The following CTNNA1 variants were observed in gnomAD, a reference collection of about 807,000 sequenced individuals.
CTNNA1 encodes catenin alpha 1.
In CTNNA1, 37 loss-of-function variants were observed where a neutral mutation model predicts 98.4. The ratio of observed to expected loss-of-function variants is 0.38; its 90% confidence interval spans 0.29 to 0.49. The LOEUF is 0.49. Ranked by LOEUF, CTNNA1 falls within the 20% of genes least tolerant of loss-of-function variation. The pLI is 0.95. For synonymous variants in CTNNA1, 404 were observed against 413.2 expected (o/e 0.98, Z 0.27); for missense variants, 761 against 1,147.2 (o/e 0.66, Z 4.86).
At chr5:138,809,801 T>C (rs1335731421) in intron 3 of CTNNA1, among the ~76,000 whole-genome samples, 3 of 152,298 alleles carry the variant, frequency 2.0e-5, no homozygotes, top group South Asian at 2.1e-4. Context: ...CCTCTTGATA[T>C]ATAGTGCCAA....
chr5:138,849,442 AAAAC>A (rs1452709807), intron 7 of CTNNA1, among the ~76,000 whole-genome samples: 3 of 152,216 alleles, frequency 2.0e-5, no homozygotes, highest in East Asian at 1.9e-4. Flanking sequence ...AACAAAAACA[AAAAC>A]AAAGACGGTA....
intron 7 of CTNNA1, among the ~76,000 whole-genome samples, chr5:138,851,946 T>G (rs1159606035): frequency 6.6e-6 from 1 of 151,674 alleles, no homozygotes; most frequent in African/African-American, 2.4e-5. Flanking sequence ...GGCGCGTGCC[T>G]GTAATCCCAG....
rs1300715497 is a variant in CTNNA1 at position 138,874,842 on chromosome 5, C to T, written c.1063-11370C>T. On this transcript the variant is annotated intron_variant, in intron 7 of 17. Coordinates refer to ENST00000302763, the MANE Select transcript of CTNNA1 (RefSeq NM_001903.5). This position sits in a 1 kb window ranked among gnomAD's most constrained non-coding sequence, Gnocchi z 4.1. Reference sequence around the variant, plus strand: ...TGATTTCCCTCATAAAATGTGAATTCGGTAGCTTATTTTAAAAGCGTGATT... The same window carrying T: ...TGATTTCCCTCATAAAATGTGAATTTGGTAGCTTATTTTAAAAGCGTGATT... 6.3e-5 allele frequency: 92 copies of T among 1,458,598 alleles called. No individual in the cohort carries two copies. The highest frequency in any genetic ancestry group is 1.1e-4 in the East Asian group (5 of 44,014). The allele number at this position is 1,458,598 out of a possible 1,614,324, so 90.4% of individuals were successfully genotyped here. A position where few individuals can be genotyped will look rare whatever the true frequency, so the allele number is the denominator to read the frequency against.
At chr5:138,825,951 T>C (rs1000292215) in intron 6 of CTNNA1, among the ~76,000 whole-genome samples, 3 of 152,172 alleles carry the variant, frequency 2.0e-5, no homozygotes, top group African/African-American at 7.2e-5. Flanking sequence ...TTGCCCTAAG[T>C]TGAGTAATAT....
intron 10 of CTNNA1, among the ~76,000 whole-genome samples, chr5:138,913,508 C>G (rs376708722): frequency 2.9e-3 from 434 of 151,578 alleles, no homozygotes; most frequent in African/African-American, 1.0e-2. Flanking sequence ...CACTTGAACC[C>G]GGGAGGCGGA....
intron 5 of CTNNA1, among the ~76,000 whole-genome samples, chr5:138,815,687 A>AT (rs1012685526): frequency 3.3e-5 from 5 of 151,656 alleles, no homozygotes; most frequent in Admixed American, 6.6e-5. Flanking sequence ...ATTTTATTCT[A>AT]TTTTTTTCTG....
chr5:138,931,619 C>T (rs1181565206), intron 16 of CTNNA1: 2 of 985,328 alleles, frequency 2.0e-6, no homozygotes, highest in South Asian at 9.4e-5. Context: ...TATCTTGACA[C>T]AAACCAGTCT....
intron 1 of CTNNA1, among the ~76,000 whole-genome samples, chr5:138,760,928 G>A (rs965764652): frequency 1.4e-4 from 22 of 152,086 alleles, no homozygotes. Flanking sequence ...GATGTCTCTC[G>A]GGCTGGTTGG....
chr5:138,768,558 G>GTTT lies in CTNNA1; in HGVS notation c.-2-13343_-2-13341dup, dbSNP rs36038829. 4.5e-3 allele frequency among the ~76,000 whole-genome samples: 304 copies of GTTT among 67,548 alleles called. 8 individuals carry two copies. Among genetic ancestry groups the GTTT allele is most frequent in the African/African-American group, 0.013 (251 of 19,908 alleles). The allele number at this position is 67,548 out of a possible 152,430, so 44.3% of individuals were successfully genotyped here. A position where few individuals can be genotyped will look rare whatever the true frequency, so the allele number is the denominator to read the frequency against. On this transcript the variant is annotated intron_variant, in intron 1 of 17. Coordinates refer to ENST00000302763, the MANE Select transcript of CTNNA1 (RefSeq NM_001903.5). ...TTACAGGCATGAGACAACGGTGTCT[G>GTTT]TTTTTTTTTTTTTTTTTTTTTTTTG...
At chr5:138,870,036 C>T (rs191353353) in intron 7 of CTNNA1, 1 of 152,496 alleles carries the variant, frequency 6.6e-6, no homozygotes, top group East Asian at 1.9e-4. Context: ...CTTTAGCTTT[C>T]CTTTTTCCAG....
At chr5:138,868,977 T>G (rs1301021024) in intron 7 of CTNNA1, 2 of 151,996 alleles carry the variant, frequency 1.3e-5, no homozygotes, top group African/African-American at 4.8e-5. Flanking sequence ...ACACTGCTCT[T>G]TATGTTACCC....
At chr5:138,931,224 T>A in intron 16 of CTNNA1, 1 of 410,070 alleles carries the variant, frequency 2.4e-6, no homozygotes, top group South Asian at 2.7e-5. Context: ...AGAAGCCATG[T>A]GGCCAGTGCT....
intron 2 of CTNNA1, 110 bp downstream of exon 2, chr5:138,782,139 A>C: frequency 9.9e-7 from 1 of 1,012,176 alleles, no homozygotes; most frequent in South Asian, 1.5e-5. Flanking sequence ...CCAGTACTTG[A>C]GTTTAGGTGA....
At chr5:138,807,619 T>C (rs1758230770) in intron 3 of CTNNA1, among the ~76,000 whole-genome samples, 1 of 152,068 alleles carries the variant, frequency 6.6e-6, no homozygotes, top group African/African-American at 2.4e-5. Flanking sequence ...AGCTTTGTGT[T>C]TTGGAAGTGG....
At chr5:138,920,267 A>G (rs1416935569) in intron 11 of CTNNA1, among the ~76,000 whole-genome samples, 1 of 152,142 alleles carries the variant, frequency 6.6e-6, no homozygotes, top group Non-Finnish European at 1.5e-5. Context: ...GGCATGAGCC[A>G]CCGTGCCCGG....
rs1580978250 is a variant in CTNNA1, at chr5:138,782,032, A to G, written c.105+3A>G. 6.2e-7 allele frequency: 1 copy of G among 1,607,390 alleles called. No individual in the cohort carries two copies. Among genetic ancestry groups the G allele is most frequent in the African/African-American group, 1.3e-5 (1 of 74,564 alleles). The stretch of plus-strand genomic sequence containing the variant: ...TGTTGGAGCCTCTTGTTACACAGGT[A>G]AGAATCTGAAAACACAAATACATTG... On this transcript the variant is annotated splice_donor_region_variant and intron_variant, in intron 2 of 17. Transcript: ENST00000302763.
At chr5:138,896,231 CTTTA>C (rs1305901820) in intron 9 of CTNNA1, among the ~76,000 whole-genome samples, 1 of 152,086 alleles carries the variant, frequency 6.6e-6, no homozygotes. Flanking sequence ...CCTATTGGAT[CTTTA>C]TTATTTTTTG....
chr5:138,879,969 C>G (rs1338278749), intron 7 of CTNNA1, among the ~76,000 whole-genome samples: 1 of 152,154 alleles, frequency 6.6e-6, no homozygotes, highest in Non-Finnish European at 1.5e-5. Context: ...CATGTGACAA[C>G]CTGCTTCCCT....
At chr5:138,819,245 G>T (rs1269339851) in intron 5 of CTNNA1, among the ~76,000 whole-genome samples, 1 of 152,148 alleles carries the variant, frequency 6.6e-6, no homozygotes, top group Non-Finnish European at 1.5e-5. Flanking sequence ...CCTAGGCTCT[G>T]TGAAGCCAGG....
Sources: allele counts gnomAD v4.1 joint callset (sites outside exome capture counted in the v4.1 genomes callset), GRCh38; gene constraint gnomAD v4.1.1; non-coding constraint Gnocchi (gnomAD v3.1); transcripts MANE v1.5; gene names NCBI Gene and HGNC (gene_info 2026-07-23, HGNC 2026-07-21).